IAPP: variants seen among roughly 807,000 people sequenced by gnomAD.
IAPP encodes islet amyloid polypeptide, also known as Islet amyloid polypeptide (diabetes-associated peptide; amylin).
In IAPP, 4 loss-of-function variants were observed where a neutral mutation model predicts 2.9. The ratio of observed to expected loss-of-function variants is 1.39; its 90% CI spans 0.69 to 3.19. The LOEUF (loss-of-function observed/expected upper bound fraction) is 3.19, where lower values mean the gene tolerates loss of function less well. IAPP is among the 30% of genes most tolerant of loss of function. IAPP has a pLI of 0.01. For synonymous variants in IAPP, 40 were observed against 42.1 expected, an observed-to-expected ratio of 0.95 and a Z score of 0.19; for missense variants, 114 against 105.3, an observed-to-expected ratio of 1.08 and a Z score of -0.36.
At chr12:21,363,475 A>T (rs769792611) in intron 1 of IAPP, among the ~76,000 whole-genome samples, 3 of 152,230 alleles carry the variant, frequency 2.0e-5, no homozygotes, top group Non-Finnish European at 4.4e-5. Flanking sequence ...CTAACATCAC[A>T]ATTAAAAGAA....
At chr12:21,364,731 C>T (rs1939231016) in intron 1 of IAPP, among the ~76,000 whole-genome samples, 3 of 152,190 alleles carry the variant, frequency 2.0e-5, no homozygotes, top group Admixed American at 2.0e-4. Flanking sequence ...GCAAAATTCA[C>T]AAGCATTCCT....
chr12:21,360,867 G>A (rs1021466680), intron 1 of IAPP, among the ~76,000 whole-genome samples: 2 of 152,180 alleles, frequency 1.3e-5, no homozygotes, highest in African/African-American at 4.8e-5. Flanking sequence ...TGAGGCTTGA[G>A]AAGGTAAACA....
chr12:21,376,881 T>C (rs1772392446), intron 2 of IAPP, among the ~76,000 whole-genome samples: 2 of 152,126 alleles, frequency 1.3e-5, no homozygotes, highest in African/African-American at 2.4e-5. Context: ...TTCACCAATA[T>C]TTTGATTTCT....
chr12:21,359,103 C>T (rs192041039), intron 1 of IAPP, among the ~76,000 whole-genome samples: 3 of 152,290 alleles, frequency 2.0e-5, no homozygotes, highest in African/African-American at 7.2e-5. Context: ...CCAGAAAACT[C>T]AGAAGCAAGG....
Position 21,378,444 on chromosome 12 carries a change from T to C in IAPP, c.*18T>C, listed in dbSNP as rs1295328044. On this transcript the variant is annotated 3_prime_UTR_variant, in exon 3 of 3. Transcript: ENST00000240652. The stretch of plus-strand genomic sequence containing the variant: ...CCCTTTAGAGGACAATGTAACTCTA[T>C]AGTTATTGTTTTATGTTCTAGTGAT... 6 of 1,582,864 alleles carry C rather than the reference T, an allele frequency of 3.8e-6. No individual in the cohort carries two copies. Among genetic ancestry groups the C allele is most frequent in the Admixed American group, 1.7e-5 (1 of 59,964 alleles).
chr12:21,368,357 T>C (rs537576685), upstream of IAPP, among the ~76,000 whole-genome samples: 6 of 152,260 alleles, frequency 3.9e-5, no homozygotes, highest in South Asian at 4.1e-4. Flanking sequence ...ATGCCCCCAT[T>C]TTTTAAATAT....
intron 1 of IAPP, among the ~76,000 whole-genome samples, chr12:21,359,500 C>A (rs1382325592): frequency 6.6e-6 from 1 of 152,112 alleles, no homozygotes; most frequent in East Asian, 1.9e-4. Flanking sequence ...TACCCAATAA[C>A]CTTGCAATGA....
chr12:21,363,924 A>C (rs894507492), intron 1 of IAPP, among the ~76,000 whole-genome samples: 1 of 152,160 alleles, frequency 6.6e-6, no homozygotes, highest in Non-Finnish European at 1.5e-5. Context: ...CAACCAAAAA[A>C]AGTCCAGGAC....
At chr12:21,374,146 A>G (rs1940011066) in intron 2 of IAPP, among the ~76,000 whole-genome samples, 1 of 152,186 alleles carries the variant, frequency 6.6e-6, no homozygotes, top group Admixed American at 6.5e-5. Context: ...TCTTATTACG[A>G]AAGGTTTCAT....
At chr12:21,369,367 G>A (rs942982468), upstream of IAPP, among the ~76,000 whole-genome samples, 6 of 152,188 alleles carry the variant, frequency 3.9e-5, no homozygotes, top group East Asian at 3.9e-4. Context: ...CACTGACATC[G>A]TCTGCTAATA....
intron 1 of IAPP, among the ~76,000 whole-genome samples, chr12:21,365,908 G>A (rs1001340681): frequency 2.0e-5 from 3 of 152,204 alleles, no homozygotes; most frequent in African/African-American, 7.2e-5. Context: ...AACAGGTGCT[G>A]GAGAGGATGT....
At chr12:21,356,882 A>G (rs1339577946) in intron 1 of IAPP, among the ~76,000 whole-genome samples, 1 of 152,168 alleles carries the variant, frequency 6.6e-6, no homozygotes, top group African/African-American at 2.4e-5. Context: ...TGTATCTTAA[A>G]CAGAAAATAT....
chr12:21,363,335 C>A (rs1939087791), intron 1 of IAPP, among the ~76,000 whole-genome samples: 1 of 152,140 alleles, frequency 6.6e-6, no homozygotes, highest in South Asian at 2.1e-4. Context: ...TAAAGATGTT[C>A]TTTGAAACGA....
At position 21,373,403 on chromosome 12, in the gene IAPP, A is replaced by T; in HGVS notation, c.52A>T (p.Asn18Tyr). The change falls in exon 2 of 3, where the codon AAC becomes TAC. Residue 18 changes from asparagine (N) to tyrosine (Y), a missense_variant. Asn to Tyr is a moderately radical substitution (Grantham distance 143). Coordinates refer to ENST00000240652, the MANE Select transcript of IAPP (RefSeq NM_000415.3). ...VFLIVLSVAL[N>Y]HLKATPIESH... ...TCTCATTGTGCTCTCTGTTGCATTG[A>T]ACCATCTGAAAGCTACACCCATTGA... 8.1e-6 allele frequency: 13 copies of T among 1,613,392 alleles called. No individual in the cohort carries two copies. Among genetic ancestry groups the T allele is most frequent in the Non-Finnish European group, 1.0e-5 (12 of 1,179,444 alleles).
intron 2 of IAPP, among the ~76,000 whole-genome samples, chr12:21,375,409 A>C (rs962952170): frequency 6.6e-6 from 1 of 152,210 alleles, no homozygotes; most frequent in Admixed American, 6.5e-5. Flanking sequence ...TATGGGGAAA[A>C]TGTGTCAAAT....
chr12:21,361,619 T>A (rs1034209085), intron 1 of IAPP, among the ~76,000 whole-genome samples: 3 of 152,130 alleles, frequency 2.0e-5, no homozygotes, highest in Non-Finnish European at 4.4e-5. Flanking sequence ...TGTTTGAACC[T>A]ATCACAAAGA....
At chr12:21,359,733 C>T (rs990454208) in intron 1 of IAPP, among the ~76,000 whole-genome samples, 3 of 145,358 alleles carry the variant, frequency 2.1e-5, no homozygotes, top group South Asian at 2.2e-4. Context: ...GGCGACAGAG[C>T]GAGACTCCGT....
chr12:21,374,942 T>C (rs1591896951), intron 2 of IAPP, among the ~76,000 whole-genome samples: 1 of 152,034 alleles, frequency 6.6e-6, no homozygotes, highest in South Asian at 2.1e-4. Flanking sequence ...GCCTCCCAAG[T>C]AGCTGGGACC....
upstream of IAPP, chr12:21,372,827 C>T (rs534882694): frequency 6.3e-6 from 1 of 159,346 alleles, no homozygotes; most frequent in East Asian, 1.8e-4. Flanking sequence ...ATGACAGAGG[C>T]TCTCTGAGCT....
Sources: allele counts gnomAD v4.1 joint callset (sites outside exome capture counted in the v4.1 genomes callset), GRCh38; gene constraint gnomAD v4.1.1; transcripts MANE v1.5; gene names NCBI Gene and HGNC (gene_info 2026-07-23, HGNC 2026-07-21).